DNAH14: variants seen among roughly 807,000 people sequenced by gnomAD.
DNAH14 encodes the protein axonemal beta dynein heavy chain 14.
In DNAH14, 478 loss-of-function variants were observed where a neutral mutation model predicts 520.9. That is an observed-to-expected ratio of 0.92 (90% CI 0.85 to 0.99). The LOEUF is 0.99. Ranked by LOEUF, DNAH14 falls within the 50% of genes least tolerant of loss-of-function variation. The pLI is 0.00. For synonymous variants in DNAH14, 1,581 were observed against 1,757.2 expected, an observed-to-expected ratio of 0.90 and a Z score of 2.51; for missense variants, 4,831 against 5,234.5, an observed-to-expected ratio of 0.92 and a Z score of 2.38.
chr1:225,262,090 T>G (rs968760868), intron 46 of DNAH14, among the ~76,000 whole-genome samples: 1 of 151,990 alleles, frequency 6.6e-6, no homozygotes, highest in Admixed American at 6.6e-5. Context: ...ATATTGGTTT[T>G]TGTTGGCTTA....
intron 33 of DNAH14, 69 bp from the exon 34 acceptor site, chr1:225,153,681 C>A: frequency 9.0e-7 from 1 of 1,110,596 alleles, no homozygotes; most frequent in Non-Finnish European, 1.3e-6. Flanking sequence ...TACCTATATA[C>A]TGTGTGCATT....
intron 71 of DNAH14, among the ~76,000 whole-genome samples, chr1:225,348,273 A>G (rs903380698): frequency 1.3e-5 from 2 of 148,334 alleles, no homozygotes; most frequent in African/African-American, 5.3e-5. Flanking sequence ...GCACTCCCAG[A>G]AGAAGAAAAA....
chr1:225,278,769 G>A (rs755547106), intron 54 of DNAH14, among the ~76,000 whole-genome samples: 2 of 152,036 alleles, frequency 1.3e-5, no homozygotes, highest in Admixed American at 6.6e-5. Context: ...CTAGCAAGAG[G>A]TACATTTACC....
intron 43 of DNAH14, among the ~76,000 whole-genome samples, chr1:225,251,404 C>A (rs1388952131): frequency 6.6e-6 from 1 of 152,064 alleles, no homozygotes; most frequent in East Asian, 1.9e-4. Flanking sequence ...AAACTCCTGA[C>A]CTCAAGTGAT....
chr1:225,322,132 C>A (rs998445794), intron 61 of DNAH14, among the ~76,000 whole-genome samples: 7 of 132,974 alleles, frequency 5.3e-5, no homozygotes, highest in Non-Finnish European at 9.3e-5. Flanking sequence ...ACTTTGTCGC[C>A]CAGGCTGGAG....
chr1:225,063,111 C>A (rs565875107), intron 17 of DNAH14, among the ~76,000 whole-genome samples: 3 of 110,552 alleles, frequency 2.7e-5, no homozygotes, highest in Non-Finnish European at 6.4e-5. Context: ...ACATAACAGA[C>A]AAATGAAAGA....
At chr1:225,224,610 C>G (rs996520585) in intron 41 of DNAH14, among the ~76,000 whole-genome samples, 5 of 152,182 alleles carry the variant, frequency 3.3e-5, no homozygotes, top group Admixed American at 6.5e-5. Context: ...CCATATAAAA[C>G]ATGCCCTTCC....
intron 41 of DNAH14, among the ~76,000 whole-genome samples, chr1:225,208,631 C>G (rs2087921037): frequency 6.6e-6 from 1 of 151,944 alleles, no homozygotes; most frequent in South Asian, 2.1e-4. Flanking sequence ...AAATAATTGC[C>G]TAGGAGTTCA....
chr1:225,030,048 G>A lies in DNAH14; in HGVS notation c.1358+6183G>A, dbSNP rs541384670. ...TTAAAATGATTAAAATACAAAGTAT[G>A]TTCTCCAACCAACATAAATTAGAAT... is the stretch of plus-strand genomic sequence containing the variant. On this transcript the variant is annotated intron_variant, in intron 11 of 85. Transcript: ENST00000682510. Among the ~76,000 whole-genome samples the A allele has an allele frequency of 2.0e-5, 3 of 151,966 alleles. No homozygotes were observed. In the South Asian group the frequency reaches 6.2e-4, roughly 32 times the overall value.
At chr1:225,054,387 G>C (rs1395628278) in intron 17 of DNAH14, among the ~76,000 whole-genome samples, 1 of 152,006 alleles carries the variant, frequency 6.6e-6, no homozygotes, top group Non-Finnish European at 1.5e-5. Context: ...GAAAAGTCTT[G>C]GGTATTGATG....
intron 15 of DNAH14, 68 bp from the exon 16 acceptor site, chr1:225,050,142 T>C: frequency 7.5e-7 from 1 of 1,332,850 alleles, no homozygotes; most frequent in Non-Finnish European, 1.0e-6. Context: ...CTAGATGTCA[T>C]GGATAATTTT....
In DNAH14 at chr1:225,204,249, G is replaced by C; in HGVS notation, c.5953G>C (p.Val1985Leu). Reference sequence around the variant, plus strand: ...TAATATTTTTGAGGAGATAGAGAAAGTTGTTAAAATTCCAGAAAATCACAG... The same window carrying C: ...TAATATTTTTGAGGAGATAGAGAAACTTGTTAAAATTCCAGAAAATCACAG... ...DDNIFEEIEK[V>L]VKIPENHNFD... Residue 1985 changes from valine (V) to leucine (L), a missense_variant, in exon 39 of 86, where the codon GTT (valine) becomes CTT (leucine). Val to Leu is a conservative substitution (Grantham distance 32, BLOSUM62 1). Coordinates refer to ENST00000682510, the MANE Select transcript of DNAH14 (RefSeq NM_001367479.1). 2 of 1,487,500 alleles carry C rather than the reference G, an allele frequency of 1.3e-6. No individual in the cohort carries two copies. The allele number at this position is 1,487,500 out of a possible 1,614,324, so 92.1% of individuals were successfully genotyped here.
chr1:225,033,766 C>G (rs905080726), intron 11 of DNAH14, among the ~76,000 whole-genome samples: 1 of 151,924 alleles, frequency 6.6e-6, no homozygotes, highest in Non-Finnish European at 1.5e-5. Context: ...TTGTAATTCT[C>G]TTTGTAGAGA....
intron 36 of DNAH14, among the ~76,000 whole-genome samples, chr1:225,168,960 G>A (rs2082320967): frequency 6.6e-6 from 1 of 152,254 alleles, no homozygotes; most frequent in Admixed American, 6.5e-5. Flanking sequence ...AACTTCCAGA[G>A]GAACGATCTG....
intron 17 of DNAH14, among the ~76,000 whole-genome samples, chr1:225,053,520 A>G (rs2068745299): frequency 6.6e-6 from 1 of 152,184 alleles, no homozygotes; most frequent in Non-Finnish European, 1.5e-5. Flanking sequence ...AGTGTGAAGA[A>G]TAGATTGAAG....
At chr1:225,023,559 T>G in intron 10 of DNAH14, 56 bp from the exon 11 acceptor site, 1 of 1,371,108 alleles carries the variant, frequency 7.3e-7, no homozygotes, top group Non-Finnish European at 9.7e-7. Flanking sequence ...CTAGAAATCA[T>G]GCTATATTAA....
intron 17 of DNAH14, among the ~76,000 whole-genome samples, chr1:225,055,036 A>G (rs2068894244): frequency 6.6e-6 from 1 of 150,646 alleles, no homozygotes; most frequent in Non-Finnish European, 1.5e-5. Context: ...GTTGATCTTA[A>G]GTGACCTCCC....
intron 77 of DNAH14, 93 bp downstream of exon 77, chr1:225,368,125 AC>A: frequency 9.0e-7 from 1 of 1,112,992 alleles, no homozygotes; most frequent in Non-Finnish European, 1.3e-6. Flanking sequence ...TGAGTGTTTT[AC>A]ATGGTGGTAA....
At position 225,042,820 on chromosome 1, in the gene DNAH14, T is replaced by G. The variant is rs1256452585; in HGVS notation, c.1489-15T>G. ...TATGTTGTCACTGGCACCCTCACAT[T>G]ATCCGTTAAATTAGATTTTGAATAG... On this transcript the variant is annotated splice_polypyrimidine_tract_variant and intron_variant, in intron 12 of 85. Transcript: ENST00000682510. 3.9e-6 allele frequency: 6 copies of G among 1,541,362 alleles called. No individual in the cohort carries two copies. The Admixed American group carries it at 1.2e-4, about 31-fold the overall frequency.
Sources: allele counts gnomAD v4.1 joint callset (sites outside exome capture counted in the v4.1 genomes callset), GRCh38; gene constraint gnomAD v4.1.1; transcripts MANE v1.5; gene names NCBI Gene and HGNC (gene_info 2026-07-23, HGNC 2026-07-21).